DACH1: variants seen among roughly 807,000 people sequenced by gnomAD.
The protein encoded by DACH1 is dachshund family transcription factor 1, also known as dachshund homolog 1.
Under a neutral mutation model 54.2 loss-of-function variants are expected in DACH1, and 12 were observed. The ratio of observed to expected loss-of-function variants is 0.22; its 90% CI spans 0.14 to 0.36. The LOEUF (loss-of-function observed/expected upper bound fraction) is 0.36, where lower values mean the gene tolerates loss of function less well. DACH1 is among the 10% of genes least tolerant of loss of function. The pLI is 1.00. For synonymous variants in DACH1, 386 were observed against 366.2 expected (o/e 1.05, Z -0.62); for missense variants, 805 against 929.8 (o/e 0.87, Z 1.75).
At chr13:71,799,433 TAATTA>T (rs1887196163) in intron 1 of DACH1, among the ~76,000 whole-genome samples, 1 of 152,188 alleles carries the variant, frequency 6.6e-6, no homozygotes, top group Non-Finnish European at 1.5e-5. Flanking sequence ...TTTTCTGCTA[TAATTA>T]AATTAAAAAA....
intron 2 of DACH1, among the ~76,000 whole-genome samples, chr13:71,650,493 C>T (rs1213355351): frequency 1.3e-5 from 2 of 151,960 alleles, no homozygotes; most frequent in Non-Finnish European, 2.9e-5. Context: ...TAATTTTTAA[C>T]TTCAAACTGT....
intron 3 of DACH1, among the ~76,000 whole-genome samples, chr13:71,619,021 T>C (rs1311951922): frequency 6.6e-6 from 1 of 151,784 alleles, no homozygotes; most frequent in Non-Finnish European, 1.5e-5. Flanking sequence ...AAATGTTTTC[T>C]AGAAAGGCTA....
chr13:71,466,507 T>G (rs1222729620), intron 10 of DACH1, among the ~76,000 whole-genome samples: 1 of 152,042 alleles, frequency 6.6e-6, no homozygotes, highest in Non-Finnish European at 1.5e-5. Context: ...TCTCCCGAAC[T>G]CTCATAGTGC....
At chr13:71,747,463 C>T (rs1884646004) in intron 1 of DACH1, among the ~76,000 whole-genome samples, 1 of 152,032 alleles carries the variant, frequency 6.6e-6, no homozygotes, top group Non-Finnish European at 1.5e-5. Flanking sequence ...TTTCTGTAGT[C>T]CCAGCTACTA....
intron 1 of DACH1, among the ~76,000 whole-genome samples, chr13:71,849,601 G>T (rs565727692): frequency 6.6e-6 from 1 of 152,220 alleles, no homozygotes; most frequent in South Asian, 2.1e-4. Context: ...AAGCTACTGA[G>T]AAATAAGAAG....
intron 1 of DACH1, among the ~76,000 whole-genome samples, chr13:71,708,988 G>C (rs1359759513): frequency 6.6e-6 from 1 of 151,708 alleles, no homozygotes; most frequent in Non-Finnish European, 1.5e-5. Flanking sequence ...GAGTAGCTGG[G>C]ACTACAGGCG....
intron 3 of DACH1, among the ~76,000 whole-genome samples, chr13:71,586,794 C>CT (rs1436983404): frequency 6.6e-6 from 1 of 151,980 alleles, no homozygotes; most frequent in African/African-American, 2.4e-5. Flanking sequence ...GTTTTCTCTT[C>CT]CTCATCAAAG....
At chr13:71,845,192 C>T (rs1173638034) in intron 1 of DACH1, among the ~76,000 whole-genome samples, 1 of 151,974 alleles carries the variant, frequency 6.6e-6, no homozygotes, top group Admixed American at 6.6e-5. Flanking sequence ...ACATGTATCA[C>T]AACATCATTA....
chr13:71,586,943 G>A lies in DACH1; in HGVS notation c.1127-13931C>T, dbSNP rs76619764. Among the ~76,000 whole-genome samples, 38 of 151,440 alleles carry A rather than the reference G, an allele frequency of 2.5e-4. No homozygotes were observed. In the East Asian group the frequency reaches 3.3e-3, roughly 13 times the overall value. On this transcript the variant is annotated intron_variant, in intron 3 of 10. Coordinates refer to ENST00000613252, the MANE Select transcript of DACH1 (RefSeq NM_080759.6). The stretch of plus-strand genomic sequence containing the variant: ...TTGTTTTAATAGCCCAAAGTTTTTC[G>A]GTTAAATTTCTATTTTTATCTGGAA...
intron 6 of DACH1, among the ~76,000 whole-genome samples, chr13:71,523,943 T>C (rs181484582): frequency 6.6e-5 from 10 of 152,238 alleles, no homozygotes; most frequent in African/African-American, 2.2e-4. Flanking sequence ...GCATGTCAAA[T>C]GCACCATTTA....
chr13:71,532,838 T>A (rs1882504637), intron 6 of DACH1, among the ~76,000 whole-genome samples: 1 of 151,962 alleles, frequency 6.6e-6, no homozygotes, highest in Non-Finnish European at 1.5e-5. Flanking sequence ...ATTTCACTGT[T>A]AGTTTTATTT....
chr13:71,678,987 C>T (rs1198956346), intron 2 of DACH1, among the ~76,000 whole-genome samples: 1 of 152,114 alleles, frequency 6.6e-6, no homozygotes, highest in Non-Finnish European at 1.5e-5. Flanking sequence ...CCAGTTTATG[C>T]TCCTAATGAG....
intron 1 of DACH1, among the ~76,000 whole-genome samples, chr13:71,749,387 T>G (rs1884821943): frequency 6.6e-6 from 1 of 152,098 alleles, no homozygotes; most frequent in Admixed American, 6.6e-5. Flanking sequence ...TAATTTCTAT[T>G]TAATGTATAA....
intron 6 of DACH1, among the ~76,000 whole-genome samples, chr13:71,547,144 T>A (rs537940734): frequency 5.3e-5 from 8 of 152,062 alleles, no homozygotes; most frequent in Non-Finnish European, 1.0e-4. Context: ...CTGAGGTTAT[T>A]ATGAAAATTA....
intron 1 of DACH1, among the ~76,000 whole-genome samples, chr13:71,694,380 GTGA>G (rs1470694830): frequency 2.0e-5 from 3 of 152,140 alleles, no homozygotes; most frequent in Admixed American, 2.0e-4. Context: ...TAATGAAAAG[GTGA>G]TGTTAAGATA....
intron 1 of DACH1, among the ~76,000 whole-genome samples, chr13:71,798,319 C>CATATAT (rs1333963804): frequency 5.9e-5 from 5 of 85,470 alleles, no homozygotes; most frequent in African/African-American, 1.0e-4. Context: ...GAACTTGTTA[C>CATATAT]ATACATATAT....
At chr13:71,664,389 G>C (rs550696503) in intron 2 of DACH1, among the ~76,000 whole-genome samples, 53 of 151,956 alleles carry the variant, frequency 3.5e-4, no homozygotes, top group Non-Finnish European at 6.5e-4. Flanking sequence ...ACAGGATAAA[G>C]CAGAATAACT....
chr13:71,511,379 C>CA (rs200243302), intron 6 of DACH1, among the ~76,000 whole-genome samples: 31 of 150,638 alleles, frequency 2.1e-4, no homozygotes, highest in African/African-American at 6.3e-4. Flanking sequence ...TGCTGAGAGC[C>CA]AAAAAAAATG....
chr13:71,865,987 C>T lies in DACH1; in HGVS notation c.783G>A (p.Val261=). 1 of 1,613,968 alleles carries T rather than the reference C, an allele frequency of 6.2e-7. No homozygotes were observed. The highest frequency in any genetic ancestry group is 8.5e-7 in the Non-Finnish European group (1 of 1,179,964). The change falls in exon 1 of 11, where the codon GTG becomes GTA. Residue 261 remains valine (V), a synonymous_variant. Transcript: ENST00000613252. ...TCCTGGAGATGAGTTTGCAGCGGTT[C>T]ACTCCTGGCTGGATGGCGCCCAGTC... ...LRGLGAIQPG[V]NRCKLISRKD...
Sources: gnomAD v4.1 joint callset for allele counts (sites outside exome capture counted in the v4.1 genomes callset) on GRCh38, gnomAD v4.1.1 for gene constraint, MANE v1.5 for transcripts, NCBI Gene and HGNC (gene_info 2026-07-23, HGNC 2026-07-21) for gene names.